CANT1: variants seen among roughly 807,000 people sequenced by gnomAD.
CANT1 encodes soluble calcium-activated nucleotidase 1.
Under a neutral mutation model 30.0 loss-of-function variants are expected in CANT1, and 26 were observed. The ratio of observed to expected loss-of-function variants is 0.87; its 90% CI spans 0.64 to 1.20. The LOEUF (loss-of-function observed/expected upper bound fraction) is 1.20, where lower values mean the gene tolerates loss of function less well. Among genes scored for constraint, CANT1 ranks in the 50% most tolerant of loss-of-function variants. The probability of loss-of-function intolerance (pLI) is 0.00; values close to 1 mark genes in which losing one functional copy is unlikely to be tolerated. For missense variants in CANT1, 518 were observed against 563.0 expected, an observed-to-expected ratio of 0.92 and a Z score of 0.81; for synonymous variants, 246 against 251.8, an observed-to-expected ratio of 0.98 and a Z score of 0.22.
rs1251350037 is a variant in CANT1 at position 78,997,613 on chromosome 17, G to A, written c.10C>T (p.Gln4Ter). MPV[Q>*]LSEHPEWNES... Reference sequence around the variant, plus strand: ...TTCCATTCCGGGTGCTCAGACAGCTGCACGGGCATCAGCGTGACAGACAGG... The same window carrying A: ...TTCCATTCCGGGTGCTCAGACAGCTACACGGGCATCAGCGTGACAGACAGG... Residue 4 changes from glutamine to a stop codon, truncating the protein, a stop_gained, in exon 3 of 5, where the codon CAG (glutamine) becomes TAG (stop). Transcript: ENST00000392446. LOFTEE classifies it high-confidence loss of function. The surrounding 1 kb of genome is among the most constrained non-coding windows in gnomAD (Gnocchi z 7.5). The A allele has an allele frequency of 6.4e-7, 1 of 1,569,338 alleles. No individual in the cohort carries two copies. The highest frequency in any genetic ancestry group is 8.6e-7 in the Non-Finnish European group (1 of 1,157,000).
At position 78,993,354 on chromosome 17, in the gene CANT1, AAGC is replaced by A. The variant is rs1163823959; in HGVS notation, c.*193_*195del. On this transcript the variant is annotated 3_prime_UTR_variant, in exon 5 of 5. Transcript: ENST00000392446. The surrounding 1 kb of genome is among the most constrained non-coding windows in gnomAD (Gnocchi z 4.5). ...AATCACCACCAGATGGCAGCATGGAAAGCAGTTCAGACCGCGGCCTCCGTGGGG... is the reference window on the plus strand; with the variant it reads ...AATCACCACCAGATGGCAGCATGGAAAGTTCAGACCGCGGCCTCCGTGGGG... 2 of 678,738 alleles carry A rather than the reference AAGC, an allele frequency of 2.9e-6. No homozygotes were observed. Among genetic ancestry groups the A allele is most frequent in the African/African-American group, 1.8e-5 (1 of 55,600 alleles). The allele number at this position is 678,738 out of a possible 1,614,324, so 42.0% of individuals were successfully genotyped here.
rs1447484902 is a variant in CANT1 at position 78,996,759 on chromosome 17, C to G, written c.631+233G>C. 3.3e-5 allele frequency among the ~76,000 whole-genome samples: 5 copies of G among 152,298 alleles called. No homozygotes were observed. Among genetic ancestry groups the G allele is most frequent in the Non-Finnish European group, 4.4e-5 (3 of 68,014 alleles). The stretch of plus-strand genomic sequence containing the variant: ...AGAGATTCCCCACGTCTCCCACAGG[C>G]CTCTAGCGATAAGCTCTTCCTCCTA... On this transcript the variant is annotated intron_variant, in intron 3 of 4. Transcript: ENST00000392446. The surrounding 1 kb of genome is among the most constrained non-coding windows in gnomAD (Gnocchi z 5.1).
chr17:78,993,936 C>A lies in CANT1; in HGVS notation c.836-16G>T. The A allele has an allele frequency of 1.3e-6, 2 of 1,560,956 alleles. No homozygotes were observed. The highest frequency in any genetic ancestry group is 2.4e-5 in the East Asian group (1 of 42,488). On this transcript the variant is annotated splice_polypyrimidine_tract_variant and intron_variant, in intron 4 of 4. Transcript: ENST00000392446. The surrounding 1 kb of genome is among the most constrained non-coding windows in gnomAD (Gnocchi z 4.5). ...ATGAGGTAGCCTGGGAACCGGGTGA[C>A]CGCGGGTCAGACACGCATGCGGCCT...
At chr17:79,005,256 A>AGAGCGAGGAGTTAGG (rs2071506723) in intron 1 of CANT1, 2 of 138,772 alleles carry the variant, frequency 1.4e-5, no homozygotes, top group African/African-American at 5.6e-5. Context: ...TGAGAGTTAA[A>AGAGCGAGGAGTTAGG]GAGCGAGGAG....
At chr17:79,007,323 G>A (rs2145860072) in intron 1 of CANT1, among the ~76,000 whole-genome samples, 1 of 152,272 alleles carries the variant, frequency 6.6e-6, no homozygotes, top group Middle Eastern at 3.4e-3. Flanking sequence ...AGGAAATCTC[G>A]ATAGTTCAGA....
rs1273589305 is a variant in CANT1 at position 79,002,422 on chromosome 17, G to A, written c.-146-4459C>T. 4.6e-5 allele frequency among the ~76,000 whole-genome samples: 7 copies of A among 152,188 alleles called. No homozygotes were observed. The highest frequency in any genetic ancestry group is 5.9e-5 in the Non-Finnish European group (4 of 68,034). ...CTGGGAGGGTTGCAAACTACCACCC[G>A]TGGGCCAAATGCAGTCTCCCGCCTA... On this transcript the variant is annotated intron_variant, in intron 1 of 4. Transcript: ENST00000392446. The surrounding 1 kb of genome is among the most constrained non-coding windows in gnomAD (Gnocchi z 4.0).
At chr17:79,003,889 C>T (rs1035706919) in intron 1 of CANT1, among the ~76,000 whole-genome samples, 1 of 140,900 alleles carries the variant, frequency 7.1e-6, no homozygotes, top group Non-Finnish European at 1.5e-5. Context: ...GTCCATCCCA[C>T]AGGACACTCC....
In CANT1 at chr17:78,992,463, G is replaced by A. The variant is rs907921997; in HGVS notation, c.*1087C>T. 13 of 368,782 alleles carry A rather than the reference G, an allele frequency of 3.5e-5. No homozygotes were observed. Among genetic ancestry groups the A allele is most frequent in the Admixed American group, 1.9e-4 (5 of 26,452 alleles). The allele number at this position is 368,782 out of a possible 1,614,324, so 22.8% of individuals were successfully genotyped here. On this transcript the variant is annotated 3_prime_UTR_variant, in exon 5 of 5. Transcript: ENST00000392446. ...CCCTGGAGTACACTCCAGCGAAGCC[G>A]AGGCCCAGCCAACGCTCGTGAAGTT... is the stretch of plus-strand genomic sequence containing the variant.
At chr17:79,009,482 C>T (rs2071670273) in intron 1 of CANT1, among the ~76,000 whole-genome samples, 182 bp downstream of exon 1, 1 of 152,172 alleles carries the variant, frequency 6.6e-6, no homozygotes, top group South Asian at 2.1e-4. Context: ...GGTCAGAGGG[C>T]AGAGTCCCAG....
intron 1 of CANT1, among the ~76,000 whole-genome samples, chr17:79,003,811 G>GCACT (rs1287301898): frequency 2.6e-5 from 4 of 151,076 alleles, no homozygotes; most frequent in African/African-American, 9.7e-5. Context: ...TGCCTGGAGA[G>GCACT]CACTCACAGG....
chr17:78,997,053 G>C lies in CANT1; in HGVS notation c.570C>G (p.Ile190Met), dbSNP rs376733332. ...CCCAGGGCACGGCTTTGCTGCCTTC[G>C]ATCTGGTAGACGACCCCCGTCCGGT... Reference protein sequence around the residue: ...VDDRTGVVYQIEGSKAVPWVI... With the variant: ...VDDRTGVVYQMEGSKAVPWVI... Residue 190 changes from isoleucine (I) to methionine (M), a missense_variant, in exon 3 of 5, where the codon ATC (isoleucine) becomes ATG (methionine). Coordinates refer to ENST00000392446, the MANE Select transcript of CANT1 (RefSeq NM_001159773.2). The surrounding 1 kb of genome is among the most constrained non-coding windows in gnomAD (Gnocchi z 7.5). The C allele has an allele frequency of 2.0e-5, 33 of 1,614,060 alleles. No homozygotes were observed. The highest frequency in any genetic ancestry group is 1.6e-4 in the Middle Eastern group (1 of 6,084).
In CANT1 at chr17:78,992,768, CGGGCT is replaced by C; in HGVS notation, c.*777_*781del. Reference sequence around the variant, plus strand: ...CTTACAATCTCCCGCACTGCTGGAGCGGGCTGGGTAACTACAGGACTGTGCTCTGT... The same window carrying C: ...CTTACAATCTCCCGCACTGCTGGAGCGGGTAACTACAGGACTGTGCTCTGT... On this transcript the variant is annotated 3_prime_UTR_variant, in exon 5 of 5. Coordinates refer to ENST00000392446, the MANE Select transcript of CANT1 (RefSeq NM_001159773.2). 1.7e-6 allele frequency: 1 copy of C among 585,494 alleles called. No individual in the cohort carries two copies. Among genetic ancestry groups the C allele is most frequent in the Admixed American group, 1.9e-5 (1 of 51,908 alleles). 36.3% of individuals were successfully genotyped at this position (585,494 alleles called of 1,614,324 possible). A position where few individuals can be genotyped will look rare whatever the true frequency, so the allele number is the denominator to read the frequency against.
intron 1 of CANT1, chr17:79,007,984 T>A (rs1476324799): frequency 6.6e-6 from 1 of 152,196 alleles, no homozygotes; most frequent in East Asian, 1.9e-4. Flanking sequence ...AATTTGGACA[T>A]GAAAAAGTGA....
chr17:78,993,666 C>T lies in CANT1; in HGVS notation c.1090G>A (p.Glu364Lys), dbSNP rs200161867. 2.5e-6 allele frequency: 4 copies of T among 1,614,112 alleles called. No homozygotes were observed. Among genetic ancestry groups the T allele is most frequent in the African/African-American group, 1.3e-5 (1 of 74,940 alleles). Residue 364 changes from glutamate to lysine, a missense_variant, in exon 5 of 5, where the codon GAG becomes AAG. Physicochemically the swap from Glu to Lys is moderately conservative, Grantham distance 56 (BLOSUM62 1). Transcript: ENST00000392446. This position sits in a 1 kb window ranked among gnomAD's most constrained non-coding sequence, Gnocchi z 4.5. ...DDQIIVALKS[E>K]EDSGRVASYI... is the part of the protein sequence containing the mutation. The stretch of plus-strand genomic sequence containing the variant: ...GAGGCGACTCTGCCGCTGTCCTCCT[C>T]GGATTTGAGGGCCACAATGATCTGG...
chr17:78,992,540 C>T lies in CANT1; in HGVS notation c.*1010G>A. 2.6e-6 allele frequency: 1 copy of T among 378,288 alleles called. No individual in the cohort carries two copies. Among genetic ancestry groups the T allele is most frequent in the Non-Finnish European group, 5.1e-6 (1 of 195,330 alleles). 23.4% of individuals were successfully genotyped at this position (378,288 alleles called of 1,614,324 possible). On this transcript the variant is annotated 3_prime_UTR_variant, in exon 5 of 5. Coordinates refer to ENST00000392446, the MANE Select transcript of CANT1 (RefSeq NM_001159773.2). ...CCACTGGAAGAGGAGAAATAAAGGC[C>T]ATGGAAAGAAACCCCAGGGAAGAGA...
At position 78,995,305 on chromosome 17, in the gene CANT1, C is replaced by G; in HGVS notation, c.632-84G>C. ...GGCTCCCACCCGGCCCCGCACCTGT[C>G]CTTAGACCCCGCACCTGACTCCCGC... On this transcript the variant is annotated intron_variant, in intron 3 of 4. Transcript: ENST00000392446. This position sits in a 1 kb window ranked among gnomAD's most constrained non-coding sequence, Gnocchi z 5.7. The G allele has an allele frequency of 2.8e-6, 4 of 1,409,902 alleles. No homozygotes were observed. Among genetic ancestry groups the G allele is most frequent in the Non-Finnish European group, 3.9e-6 (4 of 1,024,580 alleles). The allele number at this position is 1,409,902 out of a possible 1,614,324, so 87.3% of individuals were successfully genotyped here.
Position 78,997,395 on chromosome 17 carries a change from G to GT in CANT1, c.227dup (p.Asn76LysfsTer14). The GT allele has an allele frequency of 6.2e-7, 1 of 1,612,966 alleles. No homozygotes were observed. Among genetic ancestry groups the GT allele is most frequent in the Non-Finnish European group, 8.5e-7 (1 of 1,179,374 alleles). On this transcript the variant is annotated frameshift_variant, in exon 3 of 5. Transcript: ENST00000392446. LOFTEE classifies it high-confidence loss of function. The surrounding 1 kb of genome is among the most constrained non-coding windows in gnomAD (Gnocchi z 7.5). Reference sequence around the variant, plus strand: ...TGGCGGGCGCCTGGCCGAGCCTCCAGTTGTGTGCATTGTGGGTGGGGGGCC... The same window carrying GT: ...TGGCGGGCGCCTGGCCGAGCCTCCAGTTTGTGTGCATTGTGGGTGGGGGGCC...
chr17:79,001,430 A>C (rs1370774769), intron 1 of CANT1, among the ~76,000 whole-genome samples: 3 of 152,058 alleles, frequency 2.0e-5, no homozygotes, highest in Non-Finnish European at 4.4e-5. Flanking sequence ...GGCTGCCCCA[A>C]GTCGCCCACC....
At chr17:79,007,902 G>A (rs906019979) in intron 1 of CANT1, among the ~76,000 whole-genome samples, 5 of 152,194 alleles carry the variant, frequency 3.3e-5, no homozygotes, top group African/African-American at 7.2e-5. Context: ...GGGTCCAGGG[G>A]TCCTATCCCG....
Sources: allele counts gnomAD v4.1 joint callset (sites outside exome capture counted in the v4.1 genomes callset), GRCh38; gene constraint gnomAD v4.1.1; non-coding constraint Gnocchi (gnomAD v3.1); transcripts MANE v1.5; gene names NCBI Gene and HGNC (gene_info 2026-07-23, HGNC 2026-07-21).